The following ARAP2 variants were observed in gnomAD, a reference collection of about 807,000 sequenced individuals.
ARAP2 encodes ArfGAP with RhoGAP domain, ankyrin repeat and PH domain 2.
ARAP2 carries 148 observed loss-of-function variants against 194.5 expected under a neutral mutation model. The ratio of observed to expected loss-of-function variants is 0.76; its 90% confidence interval spans 0.67 to 0.87. The LOEUF is 0.87. Ranked by LOEUF, ARAP2 falls within the 40% of genes least tolerant of loss-of-function variation. The pLI is 0.00. For missense variants in ARAP2, 2,128 were observed against 1,989.7 expected, an observed-to-expected ratio of 1.07 and a Z score of -1.32; for synonymous variants, 695 against 683.5, an observed-to-expected ratio of 1.02 and a Z score of -0.26.
At chr4:36,140,739 T>C (rs907624458) in intron 19 of ARAP2, among the ~76,000 whole-genome samples, 2 of 151,716 alleles carry the variant, frequency 1.3e-5, no homozygotes, top group Non-Finnish European at 3.0e-5. Context: ...AAAAGTAATC[T>C]GTTCCATAAT....
chr4:36,018,854 T>C (rs142841839), intron 6 of ARAP2, among the ~76,000 whole-genome samples: 80 of 152,332 alleles, frequency 5.3e-4, no homozygotes, highest in African/African-American at 1.9e-3. Flanking sequence ...TCTGTTTTTC[T>C]CTTTCCACCT....
At chr4:36,223,718 G>GCTCT (rs34904494) in intron 2 of ARAP2, among the ~76,000 whole-genome samples, 3 of 149,076 alleles carry the variant, frequency 2.0e-5, no homozygotes, top group African/African-American at 4.9e-5. Flanking sequence ...ACCAGAGATG[G>GCTCT]CTCTCTCTCT....
chr4:36,121,312 G>A lies in ARAP2; in HGVS notation c.3761C>T (p.Ser1254Leu), dbSNP rs1722624045. The A allele has an allele frequency of 6.3e-7, 1 of 1,596,266 alleles. No homozygotes were observed. Among genetic ancestry groups the A allele is most frequent in the Non-Finnish European group, 8.5e-7 (1 of 1,170,272 alleles). The change falls in exon 23 of 33, where the codon TCA becomes TTA. Residue 1254 changes from serine to leucine, a missense_variant. By Grantham distance (145) the Ser-to-Leu change is moderately radical. Transcript: ENST00000303965. The part of the protein sequence containing the change: ...IEHLYRVQKC[S>L]EINHMNAHNL... The stretch of plus-strand genomic sequence containing the variant: ...ATGGGCATTCATGTGATTGATTTCT[G>A]AGCATTTCTGAACCCTGTCAGAGAA...
At chr4:36,142,249 T>G (rs956925270) in intron 19 of ARAP2, among the ~76,000 whole-genome samples, 1 of 151,696 alleles carries the variant, frequency 6.6e-6, no homozygotes. Context: ...CTTTTCTTAC[T>G]TTTGCAGTTG....
intron 27 of ARAP2, among the ~76,000 whole-genome samples, chr4:36,095,940 G>A (rs116114673): frequency 1.2e-3 from 182 of 152,078 alleles, no homozygotes; most frequent in African/African-American, 4.0e-3. Context: ...ACAGGATAAC[G>A]CACACACAAG....
intron 1 of ARAP2, among the ~76,000 whole-genome samples, chr4:36,232,575 T>G (rs1751697778): frequency 6.6e-6 from 1 of 152,216 alleles, no homozygotes; most frequent in Non-Finnish European, 1.5e-5. Context: ...CTTCATTCAC[T>G]TTAGTCCACT....
At chr4:36,144,457 T>C (rs913303810) in intron 19 of ARAP2, among the ~76,000 whole-genome samples, 1 of 151,862 alleles carries the variant, frequency 6.6e-6, no homozygotes, top group African/African-American at 2.4e-5. Flanking sequence ...TTAACAATAC[T>C]CTCACGGTAT....
chr4:36,178,113 T>C, intron 8 of ARAP2, 108 bp from the exon 9 acceptor site: 1 of 959,346 alleles, frequency 1.0e-6, no homozygotes, highest in South Asian at 2.0e-5. Context: ...TGACAGATTC[T>C]TTCCCACAAC....
chr4:36,155,657 T>C (rs1461148667), intron 15 of ARAP2, among the ~76,000 whole-genome samples: 3 of 151,696 alleles, frequency 2.0e-5, no homozygotes, highest in African/African-American at 7.3e-5. Context: ...ATTTATTTTT[T>C]TTTTTATTTT....
chr4:36,126,608 C>A (rs535867717), intron 21 of ARAP2, among the ~76,000 whole-genome samples: 3 of 152,114 alleles, frequency 2.0e-5, no homozygotes, highest in Admixed American at 1.3e-4. Context: ...CCCAACATGG[C>A]CACTTTTGAA....
intron 8 of ARAP2, among the ~76,000 whole-genome samples, chr4:36,183,330 G>C (rs1201965500): frequency 6.6e-6 from 1 of 151,748 alleles, no homozygotes; most frequent in Non-Finnish European, 1.5e-5. Flanking sequence ...CAGTATCAGA[G>C]CTGCCACTGG....
chr4:36,102,605 T>C (rs1440303190), intron 27 of ARAP2, among the ~76,000 whole-genome samples: 1 of 152,010 alleles, frequency 6.6e-6, no homozygotes, highest in East Asian at 1.9e-4. Flanking sequence ...AGAAGAGATG[T>C]CTACAATTAC....
Position 36,121,196 on chromosome 4 carries a change from A to C in ARAP2, c.3877T>G (p.Tyr1293Asp). 6.3e-7 allele frequency: 1 copy of C among 1,594,338 alleles called. No individual in the cohort carries two copies. Among genetic ancestry groups the C allele is most frequent in the Non-Finnish European group, 8.6e-7 (1 of 1,169,180 alleles). Residue 1293 changes from tyrosine (Y) to aspartate (D), a missense_variant, in exon 23 of 33, where the codon TAT becomes GAT. Physicochemically the swap from Tyr to Asp is radical, Grantham distance 160 (BLOSUM62 -3). Coordinates refer to ENST00000303965, the MANE Select transcript of ARAP2 (RefSeq NM_015230.4). Reference protein sequence around the residue: ...VNVIEDLINNYVEIFEVKEDQ... With the variant: ...VNVIEDLINNDVEIFEVKEDQ... ...ATAATTACCTCAAATATTTCTACAT[A>C]ATTATTAATTAGGTCCTCAATTACA...
In ARAP2 at chr4:36,021,633, C is replaced by T. The variant is rs28488485; in HGVS notation, n.608-2347G>A. On this transcript the variant is annotated intron_variant and non_coding_transcript_variant, in intron 5 of 12. Coordinates refer to the ARAP2 transcript ENST00000503225. ...GATGCCGCTAGGCTTCCTGTATAGG[C>T]TGCAGAACCATAAGCCAATTCAACC... 8.1e-3 allele frequency among the ~76,000 whole-genome samples: 1,240 copies of T among 152,300 alleles called. 14 individuals are homozygous for T. Among genetic ancestry groups the T allele is most frequent in the African/African-American group, 0.028 (1,174 of 41,560 alleles).
At position 36,229,373 on chromosome 4, in the gene ARAP2, A is replaced by G; in HGVS notation, c.114T>C (p.Cys38=). The G allele has an allele frequency of 6.2e-7, 1 of 1,614,124 alleles. No homozygotes were observed. The highest frequency in any genetic ancestry group is 1.1e-5 in the South Asian group (1 of 91,086). The part of the protein sequence containing the change: ...HESGFTTVKD[C]AAINDSLLQK... The stretch of plus-strand genomic sequence containing the variant: ...GCAGCAGGCTGTCATTTATTGCTGC[A>G]CAGTCCTTCACAGTAGTAAAACCAG... The change falls in exon 2 of 33, where the codon TGT becomes TGC. Residue 38 remains cysteine (C), a synonymous_variant. Coordinates refer to ENST00000303965, the MANE Select transcript of ARAP2 (RefSeq NM_015230.4).
chr4:36,242,477 C>CA (rs1283389172), intron 1 of ARAP2, among the ~76,000 whole-genome samples: 1 of 152,086 alleles, frequency 6.6e-6, no homozygotes, highest in East Asian at 1.9e-4. Flanking sequence ...ACAACAACAA[C>CA]AAAAAACTTC....
chr4:36,075,696 CT>C (rs2109325606), intron 31 of ARAP2, among the ~76,000 whole-genome samples: 1 of 152,230 alleles, frequency 6.6e-6, no homozygotes, highest in African/African-American at 2.4e-5. Context: ...CAAATTTTAT[CT>C]GATTACTTAT....
At chr4:36,073,893 T>C (rs1156712167) in intron 31 of ARAP2, 70 bp from the exon 32 acceptor site, 3 of 1,551,526 alleles carry the variant, frequency 1.9e-6, no homozygotes, top group Non-Finnish European at 2.6e-6. Context: ...ATAAAGCCAC[T>C]TGGTTTCTTT....
chr4:36,014,224 C>CGGAAGAAAGAAAGGAAGAAAGAAAGAAA lies in ARAP2; in HGVS notation n.1056+1161_1056+1162insTTTCTTTCTTTCTTCCTTTCTTTCTTCC, dbSNP rs1392259044. Among the ~76,000 whole-genome samples, 371 of 61,698 alleles carry CGGAAGAAAGAAAGGAAGAAAGAAAGAAA rather than the reference C, an allele frequency of 6.0e-3. 45 individuals are homozygous for CGGAAGAAAGAAAGGAAGAAAGAAAGAAA. Among genetic ancestry groups the CGGAAGAAAGAAAGGAAGAAAGAAAGAAA allele is most frequent in the African/African-American group, 0.021 (353 of 16,426 alleles). The allele number at this position is 61,698 out of a possible 152,430, so 40.5% of individuals were successfully genotyped here. Reference sequence around the variant, plus strand: ...CCTAGGTGACAAAGTGAGACCCTATCGAAAGAAAGAAAGAAAGAAAGAAAG... The same window carrying CGGAAGAAAGAAAGGAAGAAAGAAAGAAA: ...CCTAGGTGACAAAGTGAGACCCTATCGGAAGAAAGAAAGGAAGAAAGAAAGAAAGAAAGAAAGAAAGAAAGAAAGAAAG... On this transcript the variant is annotated intron_variant and non_coding_transcript_variant, in intron 8 of 12. Coordinates refer to the ARAP2 transcript ENST00000503225.
Sources: gnomAD v4.1 joint callset for allele counts (sites outside exome capture counted in the v4.1 genomes callset) on GRCh38, gnomAD v4.1.1 for gene constraint, MANE v1.5 for transcripts, NCBI Gene and HGNC (gene_info 2026-07-23, HGNC 2026-07-21) for gene names.